Variants in DTNB observed in about 807,000 individuals in gnomAD.
DTNB encodes dystrobrevin beta.
In DTNB, 63 loss-of-function variants were observed where a neutral mutation model predicts 90.7. The ratio of observed to expected loss-of-function variants is 0.69; its 90% CI spans 0.57 to 0.86. DTNB has a LOEUF of 0.86. DTNB is among the 40% of genes least tolerant of loss of function. The pLI, the probability that DTNB is intolerant of heterozygous loss-of-function variation, is 0.00. For synonymous variants in DTNB, 277 were observed against 286.7 expected, an observed-to-expected ratio of 0.97 and a Z score of 0.34; for missense variants, 744 against 807.1, an observed-to-expected ratio of 0.92 and a Z score of 0.95.
intron 15 of DTNB, among the ~76,000 whole-genome samples, chr2:25,420,516 ATCTATCTG>A (rs1302936945): frequency 1.2e-5 from 1 of 83,926 alleles, no homozygotes. Flanking sequence ...CTATCTATCT[ATCTATCTG>A]TCTGTCTATC....
intron 5 of DTNB, among the ~76,000 whole-genome samples, chr2:25,600,818 C>T (rs968787567): frequency 6.6e-6 from 1 of 151,936 alleles, no homozygotes; most frequent in African/African-American, 2.4e-5. Flanking sequence ...ACCACTCCCA[C>T]AAAAAAGTAT....
intron 8 of DTNB, among the ~76,000 whole-genome samples, chr2:25,555,291 CAAAAAAA>C (rs1194525010): frequency 1.9e-5 from 1 of 53,990 alleles, no homozygotes; most frequent in Non-Finnish European, 3.9e-5. Flanking sequence ...ACTCCGTCTC[CAAAAAAA>C]AAAAAAAAAA....
Position 25,429,428 on chromosome 2 carries a change from G to A in DTNB, c.1458-1797C>T, listed in dbSNP as rs555690836. On this transcript the variant is annotated intron_variant, in intron 14 of 20. Coordinates refer to ENST00000406818, the MANE Select transcript of DTNB (RefSeq NM_021907.5). ...CTTTGTGTCTGGACCTCCAGCTTAC[G>A]GTTCATTTTTCCTAAGTGGGCTCCA... Among the ~76,000 whole-genome samples, 215 of 152,022 alleles carry A rather than the reference G, an allele frequency of 1.4e-3. 1 individual carries two copies. The highest frequency in any genetic ancestry group is 4.7e-3 in the African/African-American group (193 of 41,466).
At chr2:25,555,496 T>C (rs1170623362) in intron 8 of DTNB, among the ~76,000 whole-genome samples, 1 of 152,110 alleles carries the variant, frequency 6.6e-6, no homozygotes, top group African/African-American at 2.4e-5. Context: ...AAAAATCAAG[T>C]AATTTAAATA....
chr2:25,550,207 C>A (rs34040118), intron 8 of DTNB, among the ~76,000 whole-genome samples: 8 of 151,850 alleles, frequency 5.3e-5, no homozygotes, highest in Admixed American at 2.6e-4. Context: ...CTGGCTAACA[C>A]GGTGAAACCC....
At chr2:25,579,400 A>G (rs1469145183) in intron 7 of DTNB, among the ~76,000 whole-genome samples, 2 of 152,246 alleles carry the variant, frequency 1.3e-5, no homozygotes, top group African/African-American at 4.8e-5. Context: ...GAGAAAATAA[A>G]AACAGTATGG....
intron 6 of DTNB, among the ~76,000 whole-genome samples, chr2:25,583,509 GT>G (rs930871504): frequency 1.6e-4 from 24 of 146,806 alleles, no homozygotes; most frequent in African/African-American, 4.2e-4. Context: ...GAGTTTTTGT[GT>G]TTTTTTTTTG....
At chr2:25,397,601 C>T (rs528297799) in intron 16 of DTNB, among the ~76,000 whole-genome samples, 16 of 152,028 alleles carry the variant, frequency 1.1e-4, no homozygotes, top group East Asian at 3.9e-4. Flanking sequence ...AAAAATGGGC[C>T]GGGCCCGGTG....
intron 12 of DTNB, among the ~76,000 whole-genome samples, chr2:25,444,090 T>C (rs1232425503): frequency 6.6e-6 from 1 of 152,182 alleles, no homozygotes; most frequent in African/African-American, 2.4e-5. Context: ...TTTTCCATAA[T>C]GAATTTTAAA....
chr2:25,490,388 TACTAG>T (rs2067148013), intron 9 of DTNB, among the ~76,000 whole-genome samples: 1 of 152,162 alleles, frequency 6.6e-6, no homozygotes, highest in African/African-American at 2.4e-5. Flanking sequence ...CTTAATTTAC[TACTAG>T]TCAAGAGTGA....
chr2:25,526,352 A>AAT (rs1553487277), intron 9 of DTNB, among the ~76,000 whole-genome samples: 2 of 103,714 alleles, frequency 1.9e-5, no homozygotes, highest in African/African-American at 9.1e-5. Flanking sequence ...AGCACTTATA[A>AAT]ATATATATAA....
At chr2:25,663,577 A>C (rs1272529212) in intron 1 of DTNB, among the ~76,000 whole-genome samples, 2 of 152,228 alleles carry the variant, frequency 1.3e-5, no homozygotes, top group Non-Finnish European at 2.9e-5. Flanking sequence ...TACTTTTAGT[A>C]AATTCTCTGG....
At chr2:25,655,234 C>T (rs1012242352) in intron 1 of DTNB, among the ~76,000 whole-genome samples, 2 of 152,212 alleles carry the variant, frequency 1.3e-5, no homozygotes, top group Non-Finnish European at 2.9e-5. Flanking sequence ...AGGCCAGAAG[C>T]GGCTTTCTTC....
intron 4 of DTNB, among the ~76,000 whole-genome samples, chr2:25,627,947 G>A (rs112934950): frequency 0.027 from 4,094 of 151,934 alleles, 80 homozygotes; most frequent in South Asian, 0.04. Flanking sequence ...CGTGTTAGCC[G>A]GGATGGTCTC....
At chr2:25,499,192 AC>A (rs1259063552) in intron 9 of DTNB, among the ~76,000 whole-genome samples, 1 of 149,834 alleles carries the variant, frequency 6.7e-6, no homozygotes, top group Non-Finnish European at 1.5e-5. Context: ...AAAAAAAAAA[AC>A]CAAACAAACA....
chr2:25,661,742 T>C (rs374528692), intron 1 of DTNB, among the ~76,000 whole-genome samples: 1 of 152,020 alleles, frequency 6.6e-6, no homozygotes, highest in Non-Finnish European at 1.5e-5. Context: ...ACACATCAAA[T>C]GAAAAAAATG....
At chr2:25,462,301 C>A (rs1184398755) in intron 10 of DTNB, among the ~76,000 whole-genome samples, 1 of 151,974 alleles carries the variant, frequency 6.6e-6, no homozygotes, top group Non-Finnish European at 1.5e-5. Flanking sequence ...GGGGACGGGA[C>A]TGAAATGGGG....
chr2:25,562,970 G>A (rs55679056), intron 8 of DTNB, among the ~76,000 whole-genome samples: 2,861 of 152,084 alleles, frequency 0.019, 90 homozygotes, highest in African/African-American at 0.063. Context: ...GGGTTTCACT[G>A]TGTTGGGCAG....
intron 8 of DTNB, among the ~76,000 whole-genome samples, chr2:25,559,902 A>G (rs2057990817): frequency 6.6e-6 from 1 of 152,240 alleles, no homozygotes; most frequent in Non-Finnish European, 1.5e-5. Context: ...AAAGAACGCC[A>G]ACTGCAGCTA....
Sources: gnomAD v4.1 joint callset for allele counts (sites outside exome capture counted in the v4.1 genomes callset) on GRCh38, gnomAD v4.1.1 for gene constraint, MANE v1.5 for transcripts, NCBI Gene and HGNC (gene_info 2026-07-23, HGNC 2026-07-21) for gene names.